PTPRN2: variants seen among roughly 807,000 people sequenced by gnomAD.
PTPRN2 encodes the protein protein tyrosine phosphatase receptor type N2, also known as receptor-type tyrosine-protein phosphatase N2.
A neutral mutation model predicts 118.8 loss-of-function variants in PTPRN2; 74 were observed. The observed-to-expected ratio is 0.62, with a 90% CI of 0.52 to 0.76. PTPRN2 has a LOEUF of 0.76. PTPRN2 is among the 30% of genes least tolerant of loss of function. PTPRN2 has a pLI of 0.00. For synonymous variants in PTPRN2, 641 were observed against 608.0 expected (o/e 1.05, Z -0.80); for missense variants, 1,481 against 1,394.4 (o/e 1.06, Z -0.99).
At chr7:157,839,896 ATGTGTGACTGTGTGGCCATATGTGAC>A (rs573881881) in intron 12 of PTPRN2, among the ~76,000 whole-genome samples, 10 of 143,978 alleles carry the variant, frequency 6.9e-5, no homozygotes, top group African/African-American at 2.6e-4. Context: ...CTGTGTAACC[ATGTGTGACTGTGTGGCCATATGTGAC>A]TGTGTGACTG....
chr7:157,841,992 AT>A (rs1175768356), intron 12 of PTPRN2, among the ~76,000 whole-genome samples: 2 of 152,144 alleles, frequency 1.3e-5, no homozygotes, highest in Non-Finnish European at 2.9e-5. Flanking sequence ...AAGGATCAAC[AT>A]CAAAATTGGA....
intron 10 of PTPRN2, among the ~76,000 whole-genome samples, chr7:158,091,555 C>T (rs1337076001): frequency 1.3e-5 from 2 of 151,916 alleles, no homozygotes; most frequent in African/African-American, 2.4e-5. Flanking sequence ...GGAGTGAAGC[C>T]CATAACATGA....
chr7:157,704,522 G>A (rs1042910091), intron 12 of PTPRN2, among the ~76,000 whole-genome samples: 8 of 152,182 alleles, frequency 5.3e-5, no homozygotes, highest in Non-Finnish European at 1.0e-4. Flanking sequence ...GGGCCTGAAG[G>A]TCCCACCCTC....
Position 157,831,545 on chromosome 7 carries a change from G to A in PTPRN2, c.1788+67128C>T, listed in dbSNP as rs1475593827. On this transcript the variant is annotated intron_variant, in intron 12 of 22. Transcript: ENST00000389418. The surrounding 1 kb of genome is among the most constrained non-coding windows in gnomAD (Gnocchi z 4.8). ...CTCACCCTGCAGTACTGAGCAGGGT[G>A]AGGCAGGGAAGAGGAGGAGCAGAGG... 6.6e-6 allele frequency among the ~76,000 whole-genome samples: 1 copy of A among 152,170 alleles called. No homozygotes were observed. Among genetic ancestry groups the A allele is most frequent in the Non-Finnish European group, 1.5e-5 (1 of 68,038 alleles).
At chr7:158,475,395 C>T (rs1036082190) in intron 2 of PTPRN2, among the ~76,000 whole-genome samples, 3 of 152,158 alleles carry the variant, frequency 2.0e-5, no homozygotes, top group East Asian at 3.9e-4. Flanking sequence ...CAGGCACCCC[C>T]GGCCACTCTC....
At chr7:157,809,766 C>T (rs34767284) in intron 12 of PTPRN2, among the ~76,000 whole-genome samples, 17,958 of 152,138 alleles carry the variant, frequency 0.12, 1,261 homozygotes, top group Non-Finnish European at 0.15. Flanking sequence ...CTCCAGCTTC[C>T]GGCCCGCGGT....
At chr7:158,354,827 T>G (rs1808263721) in intron 2 of PTPRN2, among the ~76,000 whole-genome samples, 1 of 152,086 alleles carries the variant, frequency 6.6e-6, no homozygotes. Context: ...TTCGGGAAAG[T>G]CAGAGAACAC....
intron 2 of PTPRN2, among the ~76,000 whole-genome samples, chr7:158,457,214 C>A (rs919103449): frequency 9.2e-5 from 14 of 152,144 alleles, no homozygotes; most frequent in Non-Finnish European, 1.8e-4. Flanking sequence ...TTTCCTGATG[C>A]TTATTTCCTG....
At chr7:158,586,029 C>T (rs1319672634) in intron 1 of PTPRN2, among the ~76,000 whole-genome samples, 6 of 152,184 alleles carry the variant, frequency 3.9e-5, no homozygotes, top group Admixed American at 3.3e-4. Context: ...CAGGACTCCC[C>T]CGTGCTCCAG....
At chr7:158,185,431 C>A (rs1419893197) in intron 5 of PTPRN2, among the ~76,000 whole-genome samples, 1 of 152,196 alleles carries the variant, frequency 6.6e-6, no homozygotes, top group Non-Finnish European at 1.5e-5. Context: ...TTTGTTTAAT[C>A]AGTTACTGAC....
chr7:158,252,217 C>T (rs1474825404), intron 3 of PTPRN2, among the ~76,000 whole-genome samples: 1 of 152,280 alleles, frequency 6.6e-6, no homozygotes, highest in Non-Finnish European at 1.5e-5. Context: ...AGTGGCCTGA[C>T]AACTCTGCCT....
chr7:158,372,599 AGAGCTGGTCCCCACCACGCTGGTCCCCG>A (rs1350877790), intron 2 of PTPRN2, among the ~76,000 whole-genome samples: 18 of 137,848 alleles, frequency 1.3e-4, no homozygotes, highest in African/African-American at 3.0e-4. Flanking sequence ...ACTGGTCCCT[AGAGCTGGTCCCCACCACGCTGGTCCCCG>A]GAGCTGGTCC....
chr7:157,853,349 C>T (rs1809434439), intron 12 of PTPRN2, among the ~76,000 whole-genome samples: 2 of 152,152 alleles, frequency 1.3e-5, no homozygotes, highest in Admixed American at 6.5e-5. Context: ...GCCCGCAGAG[C>T]CACTGGAGGT....
chr7:158,574,661 G>T lies in PTPRN2; in HGVS notation c.112+12897C>A, dbSNP rs1828226268. On this transcript the variant is annotated intron_variant, in intron 1 of 22. Coordinates refer to ENST00000389418, the MANE Select transcript of PTPRN2 (RefSeq NM_002847.5). The surrounding 1 kb of genome is among the most constrained non-coding windows in gnomAD (Gnocchi z 4.6). ...CAGTTACTCTAGCCAGAACTGGAAGGTGGCATGGAAGGGGCCAATACTTCT... is the reference window on the plus strand; with the variant it reads ...CAGTTACTCTAGCCAGAACTGGAAGTTGGCATGGAAGGGGCCAATACTTCT... Among the ~76,000 whole-genome samples, 1 of 152,368 alleles carries T rather than the reference G, an allele frequency of 6.6e-6. No homozygotes were observed. The highest frequency in any genetic ancestry group is 2.4e-5 in the African/African-American group (1 of 41,596).
At chr7:157,952,229 C>T (rs569252012) in intron 11 of PTPRN2, among the ~76,000 whole-genome samples, 6 of 152,142 alleles carry the variant, frequency 3.9e-5, no homozygotes, top group Non-Finnish European at 8.8e-5. Context: ...CAGACGCGGG[C>T]GATGGGGCCG....
In PTPRN2 at chr7:157,795,968, C is replaced by T. The variant is rs537123957; in HGVS notation, c.1788+102705G>A. 9.8e-5 allele frequency among the ~76,000 whole-genome samples: 15 copies of T among 152,310 alleles called. No homozygotes were observed. The East Asian group carries it at 1.4e-3, about 14-fold the overall frequency. ...GATCACCGTGATGGAGGGGGGCAGG[C>T]GCCGAGGCGAACTTGGGAGAGGCCC... is the stretch of plus-strand genomic sequence containing the variant. On this transcript the variant is annotated intron_variant, in intron 12 of 22. Transcript: ENST00000389418.
At chr7:157,998,200 T>G (rs1425028271) in intron 11 of PTPRN2, among the ~76,000 whole-genome samples, 3 of 152,060 alleles carry the variant, frequency 2.0e-5, no homozygotes, top group Non-Finnish European at 4.4e-5. Flanking sequence ...GGCTGCAGCC[T>G]GGCTTCAGCT....
chr7:158,348,651 G>A (rs1807716684), intron 2 of PTPRN2, among the ~76,000 whole-genome samples: 1 of 152,162 alleles, frequency 6.6e-6, no homozygotes, highest in Non-Finnish European at 1.5e-5. Context: ...GAGTTTTCAT[G>A]CTCAGTTGTG....
chr7:157,834,937 C>G (rs1807832059), intron 12 of PTPRN2, among the ~76,000 whole-genome samples: 1 of 152,218 alleles, frequency 6.6e-6, no homozygotes, highest in Admixed American at 6.5e-5. Context: ...CTCCCCGAGC[C>G]ACAGATCTGG....
Sources: allele counts gnomAD v4.1 joint callset (sites outside exome capture counted in the v4.1 genomes callset), GRCh38; gene constraint gnomAD v4.1.1; non-coding constraint Gnocchi (gnomAD v3.1); transcripts MANE v1.5; gene names NCBI Gene and HGNC (gene_info 2026-07-23, HGNC 2026-07-21).